Variants in FBRS observed in about 807,000 individuals in gnomAD.
The protein encoded by FBRS is fibrosin, also known as probable fibrosin-1.
A neutral mutation model predicts 86.1 loss-of-function variants in FBRS; 15 were observed. The ratio of observed to expected loss-of-function variants is 0.17; its 90% CI spans 0.12 to 0.27. The LOEUF is 0.27. Among genes scored for constraint, FBRS ranks in the 10% least tolerant of loss-of-function variants. The pLI, the probability that FBRS is intolerant of heterozygous loss-of-function variation, is 1.00. For synonymous variants in FBRS, 666 were observed against 575.8 expected (o/e 1.16, Z -2.24); for missense variants, 1,367 against 1,301.6 (o/e 1.05, Z -0.77).
intron 12 of FBRS, 99 bp from the exon 13 acceptor site, chr16:30,666,820 A>G: frequency 7.6e-7 from 1 of 1,321,418 alleles, no homozygotes. Flanking sequence ...GAGTAGGGAT[A>G]TTTTGTGGCG....
At chr16:30,662,985 CAAATG>C (rs1019612064) in intron 6 of FBRS, 126 bp downstream of exon 6, 24 of 1,325,820 alleles carry the variant, frequency 1.8e-5, no homozygotes, top group Non-Finnish European at 2.2e-5. Flanking sequence ...TTGAGAAAAA[CAAATG>C]GAAAGAGATG....
At chr16:30,661,399 CTT>C in intron 4 of FBRS, 66 bp downstream of exon 4, 3 of 1,550,228 alleles carry the variant, frequency 1.9e-6, no homozygotes, top group Middle Eastern at 3.3e-4. Flanking sequence ...GCATAAAGGT[CTT>C]CTGCGTGCAG....
Position 30,669,562 on chromosome 16 carries a change from T to G in FBRS, c.2860T>G (p.Leu954Val). The change falls in exon 18 of 18, where the codon TTG becomes GTG. Residue 954 changes from leucine to valine, a missense_variant. Physicochemically the swap from Leu to Val is conservative, Grantham distance 32. Transcript: ENST00000356166. The surrounding 1 kb of genome is among the most constrained non-coding windows in gnomAD (Gnocchi z 5.9). ...CAGCAAGACCCCACCGGGAGCCCTTTTGGGGGCACCACCTCCGCTTGTGCC... is the reference window on the plus strand; with the variant it reads ...CAGCAAGACCCCACCGGGAGCCCTTGTGGGGGCACCACCTCCGCTTGTGCC... ...LLSKTPPGAL[L>V]GAPPPLVPAP... 4 of 1,612,668 alleles carry G rather than the reference T, an allele frequency of 2.5e-6. No homozygotes were observed. Among genetic ancestry groups the G allele is most frequent in the Non-Finnish European group, 1.7e-6 (2 of 1,179,770 alleles).
rs150184095 is a variant in FBRS at position 30,666,939 on chromosome 16, C to T, written c.1824C>T (p.Ala608=). Reference sequence around the variant, plus strand: ...GGCAGAAACCAGGGAAGTGGTGTGCCATGCACGTGCGTGTGGCTTACATGA... The same window carrying T: ...GGCAGAAACCAGGGAAGTGGTGTGCTATGCACGTGCGTGTGGCTTACATGA... ...PPLRKPGKWC[A]MHVRVAYMIL... The change falls in exon 13 of 18, where the codon GCC becomes GCT. Residue 608 remains alanine, a synonymous_variant. Transcript: ENST00000356166. The T allele has an allele frequency of 1.9e-4, 312 of 1,612,806 alleles. No individual in the cohort carries two copies. The highest frequency in any genetic ancestry group is 1.5e-3 in the South Asian group (135 of 90,662).
At position 30,665,382 on chromosome 16, in the gene FBRS, A is replaced by G; in HGVS notation, c.1685A>G (p.Gln562Arg). The change falls in exon 10 of 18, where the codon CAG (glutamine) becomes CGG (arginine). Residue 562 changes from glutamine (Q) to arginine (R), a missense_variant. By Grantham distance (43) the Gln-to-Arg change is conservative. Around this residue, in one of 3 missense-constraint regions of FBRS, gnomAD observed 659 missense variants for 678.8 expected, o/e 0.97. Coordinates refer to ENST00000356166, the MANE Select transcript of FBRS (RefSeq NM_001105079.3). The surrounding 1 kb of genome is among the most constrained non-coding windows in gnomAD (Gnocchi z 4.1). ...CCGGCCGTCTCCTTTGGCTCCCTGC[A>G]GGGGGCCTTCCAGCCCAAGGTGAGC... is the stretch of plus-strand genomic sequence containing the variant. ...LPPAVSFGSL[Q>R]GAFQPKSTNP... 6.4e-7 allele frequency: 1 copy of G among 1,570,376 alleles called. No individual in the cohort carries two copies. The highest frequency in any genetic ancestry group is 8.6e-7 in the Non-Finnish European group (1 of 1,158,192).
chr16:30,663,598 G>T (rs1480322548), intron 6 of FBRS, among the ~76,000 whole-genome samples: 1 of 152,186 alleles, frequency 6.6e-6, no homozygotes, highest in Non-Finnish European at 1.5e-5. Context: ...CAGCAGTGGG[G>T]AAGGTGGCGT....
In FBRS at chr16:30,665,703, A is replaced by C; in HGVS notation, c.1770A>C (p.Thr590=). Residue 590 remains threonine (T), a synonymous_variant, in exon 11 of 18, where the codon ACA becomes ACC. Transcript: ENST00000356166. This position sits in a 1 kb window ranked among gnomAD's most constrained non-coding sequence, Gnocchi z 4.1. ...PVPSGLSQKG[T]QIPDHFRPPL... ...CGAGCGGGCTCTCCCAGAAGGGGAC[A>C]CAGGTGAGGGGGCCAGGGCAGGTCC... The C allele has an allele frequency of 6.3e-7, 1 of 1,580,110 alleles. No individual in the cohort carries two copies. Among genetic ancestry groups the C allele is most frequent in the South Asian group, 1.2e-5 (1 of 86,162 alleles).
intron 2 of FBRS, chr16:30,660,666 A>G: frequency 1.4e-6 from 1 of 698,046 alleles, no homozygotes; most frequent in Non-Finnish European, 2.0e-6. Flanking sequence ...ACGTTTTGAT[A>G]ATTCAGAGAG....
rs143154229 is a variant in FBRS, at chr16:30,669,388, C to G, written c.2686C>G (p.Arg896Gly). 12 of 1,612,696 alleles carry G rather than the reference C, an allele frequency of 7.4e-6. No homozygotes were observed. The highest frequency in any genetic ancestry group is 1.7e-5 in the Admixed American group (1 of 59,992). The change falls in exon 18 of 18, where the codon CGC becomes GGC. Residue 896 changes from arginine (R) to glycine (G), a missense_variant. By Grantham distance (125) the Arg-to-Gly change is moderately radical. Transcript: ENST00000356166. The surrounding 1 kb of genome is among the most constrained non-coding windows in gnomAD (Gnocchi z 5.9). ...AAPPRLARPP[R>G]FYEAGEELTG... ...ACCCCCACGCCTGGCAAGGCCACCCCGCTTCTATGAGGCGGGTGAGGAGCT... is the reference window on the plus strand; with the variant it reads ...ACCCCCACGCCTGGCAAGGCCACCCGGCTTCTATGAGGCGGGTGAGGAGCT...
At position 30,665,678 on chromosome 16, in the gene FBRS, C is replaced by A. The variant is rs766866704; in HGVS notation, c.1745C>A (p.Pro582Gln). The change falls in exon 11 of 18, where the codon CCG becomes CAG. Residue 582 changes from proline (P) to glutamine (Q), a missense_variant. This residue lies in a region of FBRS where 659 missense variants were observed against 678.8 expected (regional missense o/e 0.97). Transcript: ENST00000356166. This position sits in a 1 kb window ranked among gnomAD's most constrained non-coding sequence, Gnocchi z 4.1. Reference sequence around the variant, plus strand: ...CTGCCACCACGACTGGGGCCGGTGCCGAGCGGGCTCTCCCAGAAGGGGACA... The same window carrying A: ...CTGCCACCACGACTGGGGCCGGTGCAGAGCGGGCTCTCCCAGAAGGGGACA... Reference protein sequence around the residue: ...PELPPRLGPVPSGLSQKGTQI... With the variant: ...PELPPRLGPVQSGLSQKGTQI... 1.9e-6 allele frequency: 3 copies of A among 1,589,926 alleles called. No individual in the cohort carries two copies. The highest frequency in any genetic ancestry group is 2.3e-5 in the South Asian group (2 of 87,020).
chr16:30,662,889 C>T (rs1354339910), intron 6 of FBRS, 30 bp downstream of exon 6: 19 of 1,420,168 alleles, frequency 1.3e-5, no homozygotes, highest in Admixed American at 6.3e-5. Context: ...TGATGCGGTC[C>T]GGAAGGGCCT....
chr16:30,666,158 G>A, intron 11 of FBRS: 1 of 450,536 alleles, frequency 2.2e-6, no homozygotes, highest in Non-Finnish European at 4.0e-6. Context: ...CTAGGCCAGA[G>A]GTTTTCCAAC....
In FBRS at chr16:30,667,393, C is replaced by G. The variant is rs1466425910; in HGVS notation, c.1949C>G (p.Pro650Arg). The G allele has an allele frequency of 6.4e-7, 1 of 1,551,982 alleles. No individual in the cohort carries two copies. The highest frequency in any genetic ancestry group is 1.2e-5 in the South Asian group (1 of 84,050). Residue 650 changes from proline (P) to arginine (R), a missense_variant, in exon 14 of 18, where the codon CCT becomes CGT. Transcript: ENST00000356166. ...CCGGGGCCCTATGGGGCCCTGCCCC[C>G]TGGGCAGGAGCTCTCCCACCCGGCC... ...CLPGPYGALP[P>R]GQELSHPASL...
At chr16:30,660,193 C>G (rs2052439672) in intron 1 of FBRS, 70 bp from the exon 2 acceptor site, 1 of 1,413,498 alleles carries the variant, frequency 7.1e-7, no homozygotes, top group Admixed American at 3.1e-5. Context: ...CTTCGGCAAC[C>G]TGGTCACCCC....
intron 6 of FBRS, among the ~76,000 whole-genome samples, chr16:30,663,461 G>A (rs2052484375): frequency 6.6e-6 from 1 of 151,850 alleles, no homozygotes; most frequent in African/African-American, 2.4e-5. Flanking sequence ...AGAAAGCTGA[G>A]TGTCATGCCT....
chr16:30,662,292 A>C lies in FBRS; in HGVS notation c.706-128A>C, dbSNP rs2052471207. The C allele has an allele frequency of 1.0e-5, 14 of 1,406,056 alleles. No homozygotes were observed. The South Asian group carries it at 1.7e-4, about 17-fold the overall frequency. The allele number at this position is 1,406,056 out of a possible 1,614,324, so 87.1% of individuals were successfully genotyped here. ...TAGAGCCCAGTCTTTGATGGATCTCAGCTAAACTGAAGGAACAGACTTGCC... is the reference window on the plus strand; with the variant it reads ...TAGAGCCCAGTCTTTGATGGATCTCCGCTAAACTGAAGGAACAGACTTGCC... On this transcript the variant is annotated intron_variant, in intron 4 of 17. Coordinates refer to ENST00000356166, the MANE Select transcript of FBRS (RefSeq NM_001105079.3).
rs1293465672 is a variant in FBRS at position 30,669,001 on chromosome 16, C to T, written c.2366+22C>T. The T allele has an allele frequency of 1.3e-6, 2 of 1,522,862 alleles. No homozygotes were observed. The highest frequency in any genetic ancestry group is 2.4e-5 in the East Asian group (1 of 41,592). 94.3% of individuals were successfully genotyped at this position (1,522,862 alleles called of 1,614,324 possible). On this transcript the variant is annotated intron_variant, in intron 17 of 17. Transcript: ENST00000356166. This position sits in a 1 kb window ranked among gnomAD's most constrained non-coding sequence, Gnocchi z 5.9. Reference sequence around the variant, plus strand: ...ACAGGTGTGCCTCCCACCCACCCTGCCCCTGCCCCACCCTCAGCCCCTGCT... The same window carrying T: ...ACAGGTGTGCCTCCCACCCACCCTGTCCCTGCCCCACCCTCAGCCCCTGCT...
At position 30,667,370 on chromosome 16, in the gene FBRS, G is replaced by A. The variant is rs552475434; in HGVS notation, c.1926G>A (p.Pro642=). The A allele has an allele frequency of 5.7e-5, 89 of 1,552,818 alleles. 1 individual carries two copies. Among genetic ancestry groups the A allele is most frequent in the South Asian group, 5.5e-4 (46 of 84,068 alleles). The part of the protein sequence containing the change: ...DFRNDLLPCL[P]GPYGALPPGQ... ...GGAATGACCTCCTGCCCTGCCTTCC[G>A]GGGCCCTATGGGGCCCTGCCCCCTG... is the stretch of plus-strand genomic sequence containing the variant. Residue 642 remains proline (P), a synonymous_variant, in exon 14 of 18, where the codon CCG becomes CCA. Transcript: ENST00000356166.
Position 30,668,638 on chromosome 16 carries a change from C to T in FBRS, c.2153C>T (p.Thr718Ile). The T allele has an allele frequency of 4.4e-6, 7 of 1,604,188 alleles. No individual in the cohort carries two copies. Among genetic ancestry groups the T allele is most frequent in the Non-Finnish European group, 6.0e-6 (7 of 1,172,654 alleles). Reference sequence around the variant, plus strand: ...GCCTTTGGAGGCCTGGGCAGCCCCACATTCAGTGAGTGCGGGTGCGGTGGG... The same window carrying T: ...GCCTTTGGAGGCCTGGGCAGCCCCATATTCAGTGAGTGCGGGTGCGGTGGG... ...NGAFGGLGSPTFNSGAVFAQK... is the reference protein window; with the variant it reads ...NGAFGGLGSPIFNSGAVFAQK... Residue 718 changes from threonine (T) to isoleucine (I), a missense_variant, in exon 16 of 18, where the codon ACA becomes ATA. Coordinates refer to ENST00000356166, the MANE Select transcript of FBRS (RefSeq NM_001105079.3).
Sources: gnomAD v4.1 joint callset for allele counts (sites outside exome capture counted in the v4.1 genomes callset) on GRCh38, gnomAD v4.1.1 for gene constraint, gnomAD v4.1.1 regional missense constraint, Gnocchi (gnomAD v3.1) non-coding constraint, MANE v1.5 for transcripts, NCBI Gene and HGNC (gene_info 2026-07-23, HGNC 2026-07-21) for gene names.